Variants in CELF4 observed in about 807,000 individuals in gnomAD.
CELF4 encodes the protein CUG-BP- and ETR-3-like factor 4.
A neutral mutation model predicts 59.9 loss-of-function variants in CELF4; 18 were observed. The ratio of observed to expected loss-of-function variants is 0.30; its 90% confidence interval spans 0.21 to 0.45. CELF4 has a LOEUF of 0.45. Ranked by LOEUF, CELF4 falls within the 20% of genes least tolerant of loss-of-function variation. The pLI, the probability that CELF4 is intolerant of heterozygous loss-of-function variation, is 1.00. For missense variants in CELF4, 456 were observed against 689.0 expected (o/e 0.66, Z 3.79); for synonymous variants, 261 against 267.1 (o/e 0.98, Z 0.22).
intron 7 of CELF4, among the ~76,000 whole-genome samples, chr18:37,271,441 G>A (rs180983380): frequency 6.6e-6 from 1 of 151,938 alleles, no homozygotes; most frequent in African/African-American, 2.4e-5. Context: ...TTTTTAGTAG[G>A]GTTGGGGTTT....
intron 4 of CELF4, 51 bp downstream of exon 4, chr18:37,275,064 T>G: frequency 6.3e-7 from 1 of 1,599,500 alleles, no homozygotes. Context: ...CTGGTCTCCC[T>G]CCGCCTCGCC....
At chr18:37,517,160 C>T (rs1300603214) in intron 1 of CELF4, among the ~76,000 whole-genome samples, 3 of 152,188 alleles carry the variant, frequency 2.0e-5, no homozygotes, top group African/African-American at 7.2e-5. Flanking sequence ...CCTCCCCATG[C>T]CCTGCTTGGA....
At chr18:37,563,572 A>G (rs1303088718) in intron 1 of CELF4, among the ~76,000 whole-genome samples, 2 of 151,006 alleles carry the variant, frequency 1.3e-5, no homozygotes, top group African/African-American at 2.4e-5. Context: ...CTTGAGAGGG[A>G]GGGGGGGAAA....
At chr18:37,399,345 C>T (rs1243983965) in intron 2 of CELF4, among the ~76,000 whole-genome samples, 1 of 152,060 alleles carries the variant, frequency 6.6e-6, no homozygotes, top group Non-Finnish European at 1.5e-5. Context: ...TTCTCTCTGC[C>T]TCATGCACTT....
intron 3 of CELF4, among the ~76,000 whole-genome samples, chr18:37,319,042 C>A (rs1021782892): frequency 2.6e-5 from 4 of 152,214 alleles, no homozygotes; most frequent in African/African-American, 9.6e-5. Context: ...CCTGGGGGAT[C>A]TCCTCTCCGG....
intron 2 of CELF4, among the ~76,000 whole-genome samples, chr18:37,326,138 G>A (rs575115267): frequency 9.3e-4 from 141 of 152,276 alleles, no homozygotes; most frequent in African/African-American, 3.3e-3. Context: ...TGCAGAGATC[G>A]GGAGAGAACA....
chr18:37,460,027 T>A (rs2099789217), intron 2 of CELF4, among the ~76,000 whole-genome samples: 1 of 152,152 alleles, frequency 6.6e-6, no homozygotes, highest in East Asian at 1.9e-4. Flanking sequence ...ACCTAGCAGT[T>A]CAAATTCTGA....
At chr18:37,269,328 G>A (rs2090001543) in intron 8 of CELF4, among the ~76,000 whole-genome samples, 2 of 152,154 alleles carry the variant, frequency 1.3e-5, no homozygotes, top group Non-Finnish European at 2.9e-5. Flanking sequence ...TGGGATTAAG[G>A]AAAACTCCAA....
At chr18:37,488,812 G>A (rs1284954817) in intron 1 of CELF4, among the ~76,000 whole-genome samples, 6 of 152,200 alleles carry the variant, frequency 3.9e-5, no homozygotes, top group Non-Finnish European at 1.5e-5. Context: ...GAGAGGAGGT[G>A]GAAAGGGAAT....
chr18:37,534,192 T>C (rs1389752201), intron 1 of CELF4, among the ~76,000 whole-genome samples: 1 of 152,220 alleles, frequency 6.6e-6, no homozygotes, highest in Non-Finnish European at 1.5e-5. Flanking sequence ...ATGTATCTAG[T>C]TGTCAGTTGT....
intron 2 of CELF4, among the ~76,000 whole-genome samples, chr18:37,364,807 T>C (rs892794810): frequency 1.3e-5 from 2 of 152,070 alleles, no homozygotes; most frequent in African/African-American, 4.8e-5. Context: ...TGATGGGGTA[T>C]GGGAAAATAG....
rs143937239 is a variant in CELF4, at chr18:37,439,055, C to A, written c.369+46470G>T. On this transcript the variant is annotated intron_variant, in intron 2 of 12. Transcript: ENST00000420428. The stretch of plus-strand genomic sequence containing the variant: ...TGAGAGCCCAGCAGCCTCCTCAGTC[C>A]TGATGCTGGAACTGCAGAGGGCCCC... 9.8e-5 allele frequency among the ~76,000 whole-genome samples: 15 copies of A among 152,320 alleles called. No homozygotes were observed. The East Asian group carries it at 2.9e-3, about 29-fold the overall frequency.
At chr18:37,442,432 G>C (rs2099734799) in intron 2 of CELF4, among the ~76,000 whole-genome samples, 1 of 152,196 alleles carries the variant, frequency 6.6e-6, no homozygotes, top group Non-Finnish European at 1.5e-5. Flanking sequence ...CTTTGAAGCA[G>C]AAATGGCCCA....
intron 1 of CELF4, among the ~76,000 whole-genome samples, chr18:37,506,978 G>C (rs1178433600): frequency 6.6e-6 from 1 of 152,182 alleles, no homozygotes; most frequent in East Asian, 1.9e-4. Context: ...GTACATTCTT[G>C]AATGGATGGT....
chr18:37,554,632 A>G (rs1418813927), intron 1 of CELF4, among the ~76,000 whole-genome samples: 4 of 152,134 alleles, frequency 2.6e-5, no homozygotes, highest in Non-Finnish European at 5.9e-5. Flanking sequence ...ACGACTCTGG[A>G]AACAGAGAAT....
At chr18:37,255,637 A>G (rs556227163) in intron 11 of CELF4, among the ~76,000 whole-genome samples, 1 of 152,090 alleles carries the variant, frequency 6.6e-6, no homozygotes, top group South Asian at 2.1e-4. Flanking sequence ...AGTTACGTCA[A>G]GTAAAAGTCA....
At chr18:37,509,882 A>G (rs1343741129) in intron 1 of CELF4, among the ~76,000 whole-genome samples, 1 of 152,258 alleles carries the variant, frequency 6.6e-6, no homozygotes, top group African/African-American at 2.4e-5. Flanking sequence ...CCTTGAAAAT[A>G]TGCTCAGTGA....
chr18:37,408,648 T>G (rs1027861945), intron 2 of CELF4, among the ~76,000 whole-genome samples: 1 of 152,096 alleles, frequency 6.6e-6, no homozygotes, highest in African/African-American at 2.4e-5. Context: ...CTCGGCTCCT[T>G]TCCCCTTGGC....
chr18:37,490,786 T>A (rs1014173452), intron 1 of CELF4, among the ~76,000 whole-genome samples: 61 of 152,228 alleles, frequency 4.0e-4, no homozygotes, highest in African/African-American at 1.2e-3. Context: ...TGACGGGACA[T>A]GAGGTAGAGC....
Sources: gnomAD v4.1 joint callset for allele counts (sites outside exome capture counted in the v4.1 genomes callset) on GRCh38, gnomAD v4.1.1 for gene constraint, MANE v1.5 for transcripts, NCBI Gene and HGNC (gene_info 2026-07-23, HGNC 2026-07-21) for gene names.